The following PCK2 variants were observed in gnomAD, a reference collection of about 807,000 sequenced individuals.
PCK2 encodes phosphoenolpyruvate carboxykinase 2, mitochondrial.
A neutral mutation model predicts 65.9 loss-of-function variants in PCK2; 56 were observed. The observed-to-expected ratio is 0.85, with a 90% CI of 0.69 to 1.06. The LOEUF (loss-of-function observed/expected upper bound fraction) is 1.06. PCK2 is among the 50% of genes least tolerant of loss of function. The pLI, the probability that PCK2 is intolerant of heterozygous loss-of-function variation, is 0.00. For synonymous variants in PCK2, 305 were observed against 319.6 expected (o/e 0.95, Z 0.49); for missense variants, 843 against 863.1 (o/e 0.98, Z 0.29).
At position 24,094,818 on chromosome 14, in the gene PCK2, G is replaced by T; in HGVS notation, c.29+384G>T. 7.5e-7 allele frequency: 1 copy of T among 1,336,502 alleles called. No homozygotes were observed. Among genetic ancestry groups the T allele is most frequent in the South Asian group, 1.2e-5 (1 of 81,410 alleles). The allele number at this position is 1,336,502 out of a possible 1,614,324, so 82.8% of individuals were successfully genotyped here. A position where few individuals can be genotyped will look rare whatever the true frequency, so the allele number is the denominator to read the frequency against. On this transcript the variant is annotated intron_variant, in intron 1 of 9. Transcript: ENST00000216780. The surrounding 1 kb of genome is among the most constrained non-coding windows in gnomAD (Gnocchi z 4.1). ...CTCAGCCAGCGCCCCAGGGTACTTC[G>T]AGAGGCAGCAGGGCCCTGGGGACAA...
chr14:24,100,341 A>C (rs1314660385), intron 7 of PCK2, 128 bp downstream of exon 7: 2 of 1,488,324 alleles, frequency 1.3e-6, no homozygotes, highest in African/African-American at 1.4e-5. Context: ...GAACGTTTGC[A>C]GTTTCCAGTC....
rs747231614 is a variant in PCK2 at position 24,103,087 on chromosome 14, A to G, written c.1373-73A>G. Reference sequence around the variant, plus strand: ...GGTCTTAGGAGAGAGAGTACCAGTCAAGCTCACCAGAAGGGCTGGAGTTAG... The same window carrying G: ...GGTCTTAGGAGAGAGAGTACCAGTCGAGCTCACCAGAAGGGCTGGAGTTAG... On this transcript the variant is annotated intron_variant, in intron 8 of 9. Transcript: ENST00000216780. The G allele has an allele frequency of 1.2e-5, 16 of 1,304,970 alleles. No individual in the cohort carries two copies. In the Middle Eastern group the frequency reaches 7.3e-4, roughly 59 times the overall value. 80.8% of individuals were successfully genotyped at this position (1,304,970 alleles called of 1,614,324 possible). A position where few individuals can be genotyped will look rare whatever the true frequency, so the allele number is the denominator to read the frequency against.
At chr14:24,098,898 C>T (rs749355026) in intron 4 of PCK2, 151 bp from the exon 5 acceptor site, 112 of 733,014 alleles carry the variant, frequency 1.5e-4, no homozygotes, top group Non-Finnish European at 2.1e-4. Flanking sequence ...GGCATGGAAG[C>T]TGATGGTTAT....
intron 2 of PCK2, among the ~76,000 whole-genome samples, chr14:24,098,000 G>T (rs968465693): frequency 6.6e-5 from 10 of 151,966 alleles, no homozygotes; most frequent in African/African-American, 2.4e-4. Context: ...CTTTTGCCAG[G>T]GGCAGAGACC....
intron 5 of PCK2, 36 bp downstream of exon 5, chr14:24,099,272 G>T (rs1365988910): frequency 1.0e-5 from 16 of 1,567,622 alleles, no homozygotes; most frequent in African/African-American, 6.7e-5. Flanking sequence ...AGCTGCCGGG[G>T]ACAGGGCAGG....
intron 7 of PCK2, among the ~76,000 whole-genome samples, chr14:24,101,850 G>C (rs1028415561): frequency 6.6e-6 from 1 of 152,070 alleles, no homozygotes; most frequent in Non-Finnish European, 1.5e-5. Flanking sequence ...AGGAGGCAGA[G>C]GTTGCAGTGA....
At chr14:24,096,286 T>C (rs1357184574) in intron 1 of PCK2, among the ~76,000 whole-genome samples, 3 of 124,932 alleles carry the variant, frequency 2.4e-5, no homozygotes, top group Non-Finnish European at 3.2e-5. Context: ...TCGCCCAGGT[T>C]GGAGTGCAGT....
intron 7 of PCK2, among the ~76,000 whole-genome samples, chr14:24,100,885 C>T (rs753759303): frequency 3.9e-5 from 6 of 152,186 alleles, no homozygotes; most frequent in South Asian, 2.1e-4. Flanking sequence ...TTACCCTGGG[C>T]GCCTGGGAGT....
chr14:24,096,785 G>A (rs1197618173), intron 1 of PCK2, 107 bp from the exon 2 acceptor site: 2 of 930,362 alleles, frequency 2.1e-6, no homozygotes, highest in Non-Finnish European at 3.4e-6. Flanking sequence ...GTCCCTGCAT[G>A]CAGACATGTT....
rs778667330 is a variant in PCK2 at position 24,094,370 on chromosome 14, G to C, written c.-36G>C. 3 of 1,535,126 alleles carry C rather than the reference G, an allele frequency of 2.0e-6. No individual in the cohort carries two copies. Among genetic ancestry groups the C allele is most frequent in the Admixed American group, 1.9e-5 (1 of 51,548 alleles). ...CTTCCATACCTCCCCGGCTCCGCTCGGTTCCTGGCCACCCCGCAGCCCCTG... is the reference window on the plus strand; with the variant it reads ...CTTCCATACCTCCCCGGCTCCGCTCCGTTCCTGGCCACCCCGCAGCCCCTG... On this transcript the variant is annotated 5_prime_UTR_variant, in exon 1 of 10. Coordinates refer to ENST00000216780, the MANE Select transcript of PCK2 (RefSeq NM_004563.4). The surrounding 1 kb of genome is among the most constrained non-coding windows in gnomAD (Gnocchi z 4.1).
chr14:24,099,880 CTCA>C, intron 6 of PCK2, 112 bp from the exon 7 acceptor site: 1 of 1,589,152 alleles, frequency 6.3e-7, no homozygotes, highest in Non-Finnish European at 8.6e-7. Flanking sequence ...ACAGCCTTTC[CTCA>C]TCAGATCTTG....
chr14:24,102,971 G>C, intron 8 of PCK2, 81 bp downstream of exon 8: 5 of 1,414,378 alleles, frequency 3.5e-6, no homozygotes, highest in Non-Finnish European at 4.9e-6. Context: ...CTGATCCAGA[G>C]CCTCAGCCTG....
chr14:24,094,254 G>A (rs2036745837), upstream of PCK2: 1 of 717,182 alleles, frequency 1.4e-6, no homozygotes, highest in African/African-American at 1.9e-5. This position sits in a 1 kb window ranked among gnomAD's most constrained non-coding sequence, Gnocchi z 4.1. Context: ...AGCCCTACCA[G>A]GTTCCGCCCC....
In PCK2 at chr14:24,097,123, C is replaced by T. The variant is rs763802445; in HGVS notation, c.261C>T (p.Pro87=). 1 of 1,613,786 alleles carries T rather than the reference C, an allele frequency of 6.2e-7. No homozygotes were observed. Among genetic ancestry groups the T allele is most frequent in the Non-Finnish European group, 8.5e-7 (1 of 1,179,958 alleles). The change falls in exon 2 of 10, where the codon CCC becomes CCT. Residue 87 remains proline, a synonymous_variant. Transcript: ENST00000216780. ...LEQQGLIRKL[P]KYNNCWLART... ...AGCAGGGCCTCATCCGAAAGCTCCCCAAGTACAATAACTGGTAAGCCTTGG... is the reference window on the plus strand; with the variant it reads ...AGCAGGGCCTCATCCGAAAGCTCCCTAAGTACAATAACTGGTAAGCCTTGG...
At chr14:24,095,274 G>A in intron 1 of PCK2, 1 of 453,114 alleles carries the variant, frequency 2.2e-6, no homozygotes, top group East Asian at 7.0e-5. Context: ...CTTCACAAGA[G>A]ATAACGTGAG....
At position 24,100,071 on chromosome 14, in the gene PCK2, C is replaced by T. The variant is rs200869719; in HGVS notation, c.1092C>T (p.Asn364=). ...APGTSATTNP[N]AMATIQSNTI... is the part of the protein sequence containing the mutation. ...GTACCTCTGCCACCACCAATCCCAA[C>T]GCCATGGCTACAATCCAGAGTAACA... The change falls in exon 7 of 10, where the codon AAC becomes AAT. Residue 364 remains asparagine (N), a synonymous_variant. Transcript: ENST00000216780. 4.8e-5 allele frequency: 78 copies of T among 1,612,636 alleles called. 1 individual carries two copies. Among genetic ancestry groups the T allele is most frequent in the African/African-American group, 6.7e-5 (5 of 74,892 alleles).
At chr14:24,097,218 G>T in intron 2 of PCK2, 81 bp downstream of exon 2, 1 of 1,293,256 alleles carries the variant, frequency 7.7e-7, no homozygotes, top group Non-Finnish European at 1.1e-6. Flanking sequence ...AACTTAACTA[G>T]AACATCCCAA....
chr14:24,103,222 C>A lies in PCK2; in HGVS notation c.1435C>A (p.Arg479Ser), dbSNP rs145351624. The change falls in exon 9 of 10, where the codon CGC becomes AGC. Residue 479 changes from arginine (R) to serine (S), a missense_variant. Coordinates refer to ENST00000216780, the MANE Select transcript of PCK2 (RefSeq NM_004563.4). ...TGGGGTGTTTGTGGGCAGCGCCATG[C>A]GCTCTGAGTCCACTGCTGCAGCAGA... ...RHGVFVGSAM[R>S]SESTAAAEHK... is the part of the protein sequence containing the mutation. 6 of 1,613,910 alleles carry A rather than the reference C, an allele frequency of 3.7e-6. No individual in the cohort carries two copies. Among genetic ancestry groups the A allele is most frequent in the East Asian group, 4.5e-5 (2 of 44,866 alleles).
Position 24,097,136 on chromosome 14 carries a change from T to G in PCK2, c.274T>G (p.Cys92Gly). ...LIRKLPKYNN[C>G]WLARTDPKDV... Reference sequence around the variant, plus strand: ...CCGAAAGCTCCCCAAGTACAATAACTGGTAAGCCTTGGGCTCCACAACCTG... The same window carrying G: ...CCGAAAGCTCCCCAAGTACAATAACGGGTAAGCCTTGGGCTCCACAACCTG... Residue 92 changes from cysteine to glycine, a missense_variant and splice_region_variant, in exon 2 of 10, where the codon TGC becomes GGC. Physicochemically the swap from Cys to Gly is radical, Grantham distance 159. Coordinates refer to ENST00000216780, the MANE Select transcript of PCK2 (RefSeq NM_004563.4). 6.2e-7 allele frequency: 1 copy of G among 1,613,586 alleles called. No individual in the cohort carries two copies. The highest frequency in any genetic ancestry group is 8.5e-7 in the Non-Finnish European group (1 of 1,179,792).
Sources: gnomAD v4.1 joint callset for allele counts (sites outside exome capture counted in the v4.1 genomes callset) on GRCh38, gnomAD v4.1.1 for gene constraint, Gnocchi (gnomAD v3.1) non-coding constraint, MANE v1.5 for transcripts, NCBI Gene and HGNC (gene_info 2026-07-23, HGNC 2026-07-21) for gene names.